The following STARD13 variants were observed in gnomAD, a reference collection of about 807,000 sequenced individuals.
STARD13 encodes the protein StAR related lipid transfer domain containing 13.
Under a neutral mutation model 106.4 loss-of-function variants are expected in STARD13, and 62 were observed. The observed-to-expected ratio is 0.58, with a 90% CI of 0.48 to 0.72. The LOEUF is 0.72. Among genes scored for constraint, STARD13 ranks in the 30% least tolerant of loss-of-function variants. The pLI is 0.00. For synonymous variants in STARD13, 565 were observed against 553.0 expected (o/e 1.02, Z -0.31); for missense variants, 1,387 against 1,424.0 (o/e 0.97, Z 0.42).
intron 1 of STARD13, among the ~76,000 whole-genome samples, chr13:33,313,605 G>T (rs79211861): frequency 1.3e-5 from 2 of 151,952 alleles, no homozygotes; most frequent in Admixed American, 6.6e-5. Context: ...CTAATTTGTT[G>T]GCTCCCACAG....
At position 33,164,783 on chromosome 13, in the gene STARD13, C is replaced by A. The variant is rs75230785; in HGVS notation, c.323+554G>T. ...ATATATACATCTTTGTCTCCTTACA[C>A]TATCTATCACAAACTAATAGCTTAA... is the stretch of plus-strand genomic sequence containing the variant. On this transcript the variant is annotated intron_variant, in intron 3 of 13. Coordinates refer to ENST00000336934, the MANE Select transcript of STARD13 (RefSeq NM_178006.4). 9.2e-5 allele frequency among the ~76,000 whole-genome samples: 14 copies of A among 152,304 alleles called. 1 individual carries two copies. Among genetic ancestry groups the A allele is most frequent in the African/African-American group, 2.6e-4 (11 of 41,562 alleles).
chr13:33,327,778 C>T (rs1408347135), intron 1 of STARD13, among the ~76,000 whole-genome samples: 1 of 152,170 alleles, frequency 6.6e-6, no homozygotes, highest in African/African-American at 2.4e-5. Context: ...AAAGGTGCTA[C>T]ATTTATGCAC....
At chr13:33,454,314 A>T in the STARD13 span, among the ~76,000 whole-genome samples, 2 of 151,598 alleles carry the variant, frequency 1.3e-5, no homozygotes, top group Non-Finnish European at 2.9e-5. Flanking sequence ...TGGTCTGAAA[A>T]CCCTCCTTCT....
intron 1 of STARD13, among the ~76,000 whole-genome samples, chr13:33,191,207 A>C (rs913809601): frequency 2.2e-4 from 34 of 152,200 alleles, no homozygotes; most frequent in African/African-American, 8.0e-4. Flanking sequence ...TTAGATGGTA[A>C]GTTAACTAAC....
intron 1 of STARD13, among the ~76,000 whole-genome samples, chr13:33,214,846 A>AG (rs1887937996): frequency 6.6e-6 from 1 of 152,072 alleles, no homozygotes; most frequent in East Asian, 1.9e-4. Flanking sequence ...GTGAGTTTCA[A>AG]GGGGGCCATC....
At chr13:33,176,608 G>A (rs1427491275) in intron 1 of STARD13, among the ~76,000 whole-genome samples, 2 of 152,160 alleles carry the variant, frequency 1.3e-5, no homozygotes, top group African/African-American at 4.8e-5. Context: ...CTTATAGAAG[G>A]AAATTTAAAA....
chr13:33,393,087 G>A, the STARD13 span, among the ~76,000 whole-genome samples: 2 of 152,198 alleles, frequency 1.3e-5, no homozygotes, highest in African/African-American at 4.8e-5. Context: ...ATGCTGGCCT[G>A]GCTTTTCAGA....
At chr13:33,457,963 AAACTT>A in the STARD13 span, among the ~76,000 whole-genome samples, 4 of 152,340 alleles carry the variant, frequency 2.6e-5, no homozygotes, top group East Asian at 1.9e-4. Context: ...TAGAAAATGA[AAACTT>A]AACTAAGACA....
At chr13:33,553,913 T>A in the STARD13 span, among the ~76,000 whole-genome samples, 1 of 152,072 alleles carries the variant, frequency 6.6e-6, no homozygotes, top group Non-Finnish European at 1.5e-5. Context: ...TCCCAATAAT[T>A]ATATCAAAAT....
chr13:33,476,456 G>A, the STARD13 span, among the ~76,000 whole-genome samples: 1 of 152,132 alleles, frequency 6.6e-6, no homozygotes, highest in African/African-American at 2.4e-5. Flanking sequence ...TTGTGCACTT[G>A]TTCTTACTTT....
At chr13:33,253,907 A>G (rs1431513354) in intron 1 of STARD13, among the ~76,000 whole-genome samples, 1 of 152,266 alleles carries the variant, frequency 6.6e-6, no homozygotes, top group Non-Finnish European at 1.5e-5. Context: ...AAGGTTTTTC[A>G]ACAGGCCTGC....
chr13:33,410,280 G>A, the STARD13 span, among the ~76,000 whole-genome samples: 5 of 152,350 alleles, frequency 3.3e-5, no homozygotes, highest in African/African-American at 1.2e-4. Context: ...TGTCACGGAA[G>A]ATGCTAATGG....
the STARD13 span, among the ~76,000 whole-genome samples, chr13:33,424,177 C>T: frequency 6.6e-6 from 1 of 151,930 alleles, no homozygotes. Flanking sequence ...AACAAAAACC[C>T]CAGACTCAGA....
chr13:33,484,904 T>C, the STARD13 span, among the ~76,000 whole-genome samples: 1 of 152,218 alleles, frequency 6.6e-6, no homozygotes, highest in Non-Finnish European at 1.5e-5. Context: ...TTTCAAAGTC[T>C]TAGATCACCT....
chr13:33,130,087 G>C lies in STARD13; in HGVS notation c.590C>G (p.Ser197Cys), dbSNP rs1318745363. Reference sequence around the variant, plus strand: ...GCCTCCACTGCTTTCGCTGTGAATGGAGCAGACCTCAGGCTCGCTCAGGTC... The same window carrying C: ...GCCTCCACTGCTTTCGCTGTGAATGCAGCAGACCTCAGGCTCGCTCAGGTC... ...LTDLSEPEVCSIHSESSGGSD... is the reference protein window; with the variant it reads ...LTDLSEPEVCCIHSESSGGSD... Residue 197 changes from serine (S) to cysteine (C), a missense_variant, in exon 5 of 14, where the codon TCC becomes TGC. Physicochemically the swap from Ser to Cys is moderately radical, Grantham distance 112. Coordinates refer to ENST00000336934, the MANE Select transcript of STARD13 (RefSeq NM_178006.4). The surrounding 1 kb of genome is among the most constrained non-coding windows in gnomAD (Gnocchi z 4.1). 1 of 1,614,058 alleles carries C rather than the reference G, an allele frequency of 6.2e-7. No homozygotes were observed. The highest frequency in any genetic ancestry group is 1.7e-5 in the Admixed American group (1 of 60,010).
At position 33,129,497 on chromosome 13, in the gene STARD13, C is replaced by A. The variant is rs771274061; in HGVS notation, c.1180G>T (p.Val394Leu). 38 of 1,614,102 alleles carry A rather than the reference C, an allele frequency of 2.4e-5. No homozygotes were observed. Among genetic ancestry groups the A allele is most frequent in the Non-Finnish European group, 3.1e-5 (37 of 1,180,052 alleles). ...TTGTGATCCTTGGGAATATGCACCA[C>A]CAAATTCTCTTGGGAGTGAAATTCA... ...MHEFHSQENL[V>L]VHIPKDHKPG... The change falls in exon 5 of 14, where the codon GTG (valine) becomes TTG (leucine). Residue 394 changes from valine to leucine, a missense_variant. Physicochemically the swap from Val to Leu is conservative, Grantham distance 32. Coordinates refer to ENST00000336934, the MANE Select transcript of STARD13 (RefSeq NM_178006.4).
intron 1 of STARD13, among the ~76,000 whole-genome samples, chr13:33,236,096 C>T (rs964109269): frequency 5.3e-5 from 8 of 152,148 alleles, no homozygotes; most frequent in South Asian, 4.1e-4. Context: ...TATTACAAAT[C>T]GTGAGTAATT....
chr13:33,126,765 G>T (rs1593899661), intron 6 of STARD13, among the ~76,000 whole-genome samples: 1 of 152,184 alleles, frequency 6.6e-6, no homozygotes, highest in South Asian at 2.1e-4. Context: ...TTTCATAAAA[G>T]CACCATTGAT....
chr13:33,318,465 A>C (rs1397511095), intron 1 of STARD13, among the ~76,000 whole-genome samples: 10 of 152,214 alleles, frequency 6.6e-5, no homozygotes, highest in Non-Finnish European at 8.8e-5. Context: ...TGTAAGAGTT[A>C]AAGCTATAAA....
Sources: gnomAD v4.1 joint callset for allele counts (sites outside exome capture counted in the v4.1 genomes callset) on GRCh38, gnomAD v4.1.1 for gene constraint, Gnocchi (gnomAD v3.1) non-coding constraint, MANE v1.5 for transcripts, NCBI Gene and HGNC (gene_info 2026-07-23, HGNC 2026-07-21) for gene names.